PTPN3: variants seen among roughly 807,000 people sequenced by gnomAD.
PTPN3 encodes the protein protein tyrosine phosphatase non-receptor type 3, also known as tyrosine-protein phosphatase non-receptor type 3.
PTPN3 carries 96 observed loss-of-function variants against 132.7 expected under a neutral mutation model. The ratio of observed to expected loss-of-function variants is 0.72; its 90% CI spans 0.61 to 0.86. PTPN3 has a LOEUF of 0.86. PTPN3 is among the 40% of genes least tolerant of loss of function. PTPN3 has a pLI of 0.00. For synonymous variants in PTPN3, 398 were observed against 429.0 expected (o/e 0.93, Z 0.89); for missense variants, 1,125 against 1,159.6 (o/e 0.97, Z 0.43).
chr9:109,433,946 G>A lies in PTPN3; in HGVS notation c.676-785C>T, dbSNP rs146989704. On this transcript the variant is annotated intron_variant, in intron 9 of 25. Transcript: ENST00000374541. Reference sequence around the variant, plus strand: ...AAAAAAAAAAAAAAAAAAAAAAAGCGTTGCTTCTAAATCCAGTGTATCCAA... The same window carrying A: ...AAAAAAAAAAAAAAAAAAAAAAAGCATTGCTTCTAAATCCAGTGTATCCAA... 8.6e-3 allele frequency among the ~76,000 whole-genome samples: 1,240 copies of A among 144,894 alleles called. 8 individuals carry two copies. Among genetic ancestry groups the A allele is most frequent in the Middle Eastern group, 0.038 (10 of 262 alleles).
At chr9:109,516,491 C>T in the PTPN3 span, among the ~76,000 whole-genome samples, 5 of 152,142 alleles carry the variant, frequency 3.3e-5, no homozygotes, top group African/African-American at 1.2e-4. Flanking sequence ...GGTGAACAAG[C>T]ATATACATTT....
the PTPN3 span, among the ~76,000 whole-genome samples, chr9:109,512,894 T>G: frequency 6.6e-6 from 1 of 152,320 alleles, no homozygotes; most frequent in East Asian, 1.9e-4. Context: ...CTGGTCCTTT[T>G]CCCTCCCTCC....
intron 1 of PTPN3, among the ~76,000 whole-genome samples, chr9:109,487,117 T>C (rs1345646597): frequency 6.6e-5 from 10 of 152,126 alleles, no homozygotes; most frequent in Non-Finnish European, 1.2e-4. Flanking sequence ...CCCCTGCTGA[T>C]AGAACCAGCT....
the PTPN3 span, among the ~76,000 whole-genome samples, chr9:109,537,418 G>C: frequency 6.6e-6 from 1 of 152,188 alleles, no homozygotes; most frequent in Non-Finnish European, 1.5e-5. Flanking sequence ...CACCATCAGA[G>C]CATTTCCTCT....
At chr9:109,402,240 G>T (rs2131704397) in intron 19 of PTPN3, among the ~76,000 whole-genome samples, 1 of 152,026 alleles carries the variant, frequency 6.6e-6, no homozygotes, top group East Asian at 1.9e-4. Context: ...CTCAAAATGT[G>T]AACTTTTTTG....
At chr9:109,389,432 G>A in intron 21 of PTPN3, 53 bp from the exon 22 acceptor site, 1 of 1,551,456 alleles carries the variant, frequency 6.4e-7, no homozygotes, top group African/African-American at 1.4e-5. Context: ...AGGGTGCACA[G>A]GGAACTGGAT....
intron 2 of PTPN3, among the ~76,000 whole-genome samples, chr9:109,462,060 C>T (rs1010458140): frequency 2.0e-5 from 3 of 152,194 alleles, no homozygotes; most frequent in Non-Finnish European, 2.9e-5. Context: ...AAAATGATGC[C>T]CTGACACTGG....
intron 7 of PTPN3, among the ~76,000 whole-genome samples, chr9:109,444,959 T>G (rs1235345393): frequency 6.6e-6 from 1 of 152,250 alleles, no homozygotes; most frequent in Non-Finnish European, 1.5e-5. Flanking sequence ...GAAAATGCAA[T>G]GTGCAACAGC....
At chr9:109,391,298 T>A in intron 20 of PTPN3, 99 bp from the exon 21 acceptor site, 1 of 1,312,802 alleles carries the variant, frequency 7.6e-7, no homozygotes, top group Non-Finnish European at 1.1e-6. Flanking sequence ...CAGCTCTGCC[T>A]CATTAGCATA....
At chr9:109,452,443 C>T (rs548998419) in intron 5 of PTPN3, among the ~76,000 whole-genome samples, 2 of 151,974 alleles carry the variant, frequency 1.3e-5, no homozygotes, top group South Asian at 4.2e-4. Flanking sequence ...CTGGTTAGAA[C>T]CACACACACG....
At chr9:109,534,246 G>C in the PTPN3 span, 1 of 1,493,206 alleles carries the variant, frequency 6.7e-7, no homozygotes, top group East Asian at 2.3e-5. Context: ...TGCCCGTAGT[G>C]CCGGGCGTGG....
At chr9:109,399,940 CTT>C (rs1231862931) in intron 19 of PTPN3, among the ~76,000 whole-genome samples, 46 of 136,234 alleles carry the variant, frequency 3.4e-4, no homozygotes, top group African/African-American at 3.8e-4. Flanking sequence ...ACACAGTTAC[CTT>C]TTTTTTTTTT....
At chr9:109,400,672 C>T (rs563651090) in intron 19 of PTPN3, among the ~76,000 whole-genome samples, 1 of 152,278 alleles carries the variant, frequency 6.6e-6, no homozygotes, top group South Asian at 2.1e-4. Context: ...TACTGTGAGA[C>T]CTGGAAGAGG....
At position 109,465,665 on chromosome 9, in the gene PTPN3, C is replaced by T. The variant is rs117839196; in HGVS notation, c.-17-2214G>A. On this transcript the variant is annotated intron_variant, in intron 1 of 25. Coordinates refer to ENST00000374541, the MANE Select transcript of PTPN3 (RefSeq NM_002829.4). The stretch of plus-strand genomic sequence containing the variant: ...CGGAGGCTGCAGTGAGCTGAGATCT[C>T]GCCATTGCACTCCCTGGGCAAAAAG... 1.4e-3 allele frequency among the ~76,000 whole-genome samples: 205 copies of T among 141,508 alleles called. 7 individuals carry two copies. The East Asian group carries it at 0.039, about 27-fold the overall frequency. 92.8% of individuals were successfully genotyped at this position (141,508 alleles called of 152,430 possible).
At chr9:109,504,807 A>G in the PTPN3 span, among the ~76,000 whole-genome samples, 3 of 152,222 alleles carry the variant, frequency 2.0e-5, no homozygotes, top group Admixed American at 6.5e-5. Context: ...GCTTCCATCA[A>G]CAGAAGCTGA....
chr9:109,407,787 A>T (rs374602754), intron 17 of PTPN3, among the ~76,000 whole-genome samples: 2 of 152,258 alleles, frequency 1.3e-5, no homozygotes, highest in African/African-American at 4.8e-5. Flanking sequence ...GCCTCAAGTG[A>T]TTCACCCTCC....
At chr9:109,475,002 T>A (rs1041183840) in intron 1 of PTPN3, among the ~76,000 whole-genome samples, 2 of 152,212 alleles carry the variant, frequency 1.3e-5, no homozygotes, top group Non-Finnish European at 2.9e-5. Context: ...TAGACTGATT[T>A]TTTTAGGTCC....
the PTPN3 span, among the ~76,000 whole-genome samples, chr9:109,522,897 C>G: frequency 1.3e-5 from 2 of 152,126 alleles, no homozygotes; most frequent in Non-Finnish European, 2.9e-5. Flanking sequence ...GCTTGGGGTA[C>G]AATAGTGATG....
chr9:109,406,006 G>A (rs980051704), intron 18 of PTPN3, among the ~76,000 whole-genome samples: 1 of 152,196 alleles, frequency 6.6e-6, no homozygotes, highest in African/African-American at 2.4e-5. Flanking sequence ...CCCCCAGCCC[G>A]CAGAGGCAGA....
Sources: allele counts gnomAD v4.1 joint callset (sites outside exome capture counted in the v4.1 genomes callset), GRCh38; gene constraint gnomAD v4.1.1; transcripts MANE v1.5; gene names NCBI Gene and HGNC (gene_info 2026-07-23, HGNC 2026-07-21).